The following PPFIA2 variants were observed in gnomAD, a reference collection of about 807,000 sequenced individuals.
The protein encoded by PPFIA2 is PPFI scaffold protein A2.
In PPFIA2, 46 loss-of-function variants were observed where a neutral mutation model predicts 175.5. That is an observed-to-expected ratio of 0.26 (90% CI 0.21 to 0.34). The LOEUF is 0.34. PPFIA2 is among the 10% of genes least tolerant of loss of function. The pLI is 1.00. For missense variants in PPFIA2, 1,179 were observed against 1,506.1 expected (o/e 0.78, Z 3.60); for synonymous variants, 568 against 511.4 (o/e 1.11, Z -1.49).
At chr12:81,385,441 G>A (rs537925852) in intron 8 of PPFIA2, among the ~76,000 whole-genome samples, 34 of 152,168 alleles carry the variant, frequency 2.2e-4, no homozygotes, top group Admixed American at 1.6e-3. Flanking sequence ...GCCAAGAAAC[G>A]GAATCAACCT....
At chr12:81,531,661 G>A (rs978793163) in intron 4 of PPFIA2, among the ~76,000 whole-genome samples, 4 of 151,420 alleles carry the variant, frequency 2.6e-5, no homozygotes, top group African/African-American at 7.3e-5. Context: ...TAGAACGGAA[G>A]ACAGGGTCTA....
chr12:81,289,817 C>T (rs1207715927), intron 24 of PPFIA2, among the ~76,000 whole-genome samples: 2 of 151,764 alleles, frequency 1.3e-5, no homozygotes, highest in African/African-American at 4.8e-5. Flanking sequence ...ATAAAGTATT[C>T]AAAGAATGCA....
intron 7 of PPFIA2, among the ~76,000 whole-genome samples, chr12:81,435,770 A>C (rs1978704): frequency 0.37 from 56,629 of 151,850 alleles, 12,486 homozygotes; most frequent in African/African-American, 0.61. Flanking sequence ...TCTCTTAATT[A>C]TCCGTTCTGA....
intron 3 of PPFIA2, among the ~76,000 whole-genome samples, chr12:81,715,912 C>T (rs2078553639): frequency 6.6e-6 from 1 of 151,128 alleles, no homozygotes; most frequent in African/African-American, 2.4e-5. Flanking sequence ...CCTTAATAAA[C>T]AATTTTTTTA....
At chr12:81,361,917 C>T (rs1043362997) in intron 15 of PPFIA2, among the ~76,000 whole-genome samples, 1 of 151,434 alleles carries the variant, frequency 6.6e-6, no homozygotes, top group South Asian at 2.1e-4. Context: ...TTTCTAACAA[C>T]TTTAAATAAA....
At chr12:81,341,272 T>C in intron 19 of PPFIA2, 64 bp from the exon 20 acceptor site, 1 of 1,509,066 alleles carries the variant, frequency 6.6e-7, no homozygotes, top group African/African-American at 1.4e-5. Context: ...TTGACACAAA[T>C]GGAGAATCAT....
intron 5 of PPFIA2, among the ~76,000 whole-genome samples, chr12:81,455,543 T>TTG (rs2053432394): frequency 6.6e-6 from 1 of 152,220 alleles, no homozygotes; most frequent in African/African-American, 2.4e-5. Flanking sequence ...CCCAAATAGG[T>TTG]ACTTCACATG....
chr12:81,305,163 A>G (rs1466717930), intron 22 of PPFIA2, among the ~76,000 whole-genome samples: 1 of 152,158 alleles, frequency 6.6e-6, no homozygotes, highest in East Asian at 1.9e-4. Context: ...TTTGAGACTT[A>G]ATTTTCCCAT....
intron 28 of PPFIA2, among the ~76,000 whole-genome samples, chr12:81,274,315 T>G (rs1044664665): frequency 6.6e-6 from 1 of 152,182 alleles, no homozygotes; most frequent in African/African-American, 2.4e-5. Flanking sequence ...GAGTATTTGG[T>G]TTTTTTCTAG....
chr12:81,414,860 A>C (rs139976771), intron 7 of PPFIA2, among the ~76,000 whole-genome samples: 1 of 151,374 alleles, frequency 6.6e-6, no homozygotes, highest in Admixed American at 6.6e-5. Context: ...GCTATTTATT[A>C]ATTGGGAAAC....
intron 27 of PPFIA2, among the ~76,000 whole-genome samples, chr12:81,278,301 G>C (rs1380739896): frequency 6.6e-6 from 1 of 152,124 alleles, no homozygotes; most frequent in Admixed American, 6.5e-5. Flanking sequence ...ACAGCACTTT[G>C]GGAGGCTGAG....
At chr12:81,651,628 G>A (rs1300586536) in intron 4 of PPFIA2, among the ~76,000 whole-genome samples, 1 of 152,018 alleles carries the variant, frequency 6.6e-6, no homozygotes, top group Non-Finnish European at 1.5e-5. Context: ...GAGTCTTAAA[G>A]TCTTCATTAT....
intron 4 of PPFIA2, among the ~76,000 whole-genome samples, chr12:81,497,310 C>G (rs960861520): frequency 3.3e-5 from 5 of 152,132 alleles, no homozygotes; most frequent in African/African-American, 7.2e-5. Flanking sequence ...CGAGATGCTT[C>G]TAAATTTCTA....
At chr12:81,317,241 G>A (rs1374316682) in intron 22 of PPFIA2, among the ~76,000 whole-genome samples, 1 of 151,590 alleles carries the variant, frequency 6.6e-6, no homozygotes, top group Admixed American at 6.6e-5. Context: ...ACCATGAAGT[G>A]CAAGATGGGA....
At chr12:81,405,375 A>G (rs1006426772) in intron 8 of PPFIA2, among the ~76,000 whole-genome samples, 1 of 152,152 alleles carries the variant, frequency 6.6e-6, no homozygotes, top group African/African-American at 2.4e-5. Context: ...TATATCACTT[A>G]CAATTCAAAA....
intron 22 of PPFIA2, among the ~76,000 whole-genome samples, chr12:81,306,856 A>G (rs2049359432): frequency 6.6e-6 from 1 of 151,906 alleles, no homozygotes; most frequent in Non-Finnish European, 1.5e-5. Context: ...TTTACTTTAA[A>G]TAATCATAGC....
At chr12:81,466,308 C>G (rs540515247) in intron 4 of PPFIA2, among the ~76,000 whole-genome samples, 2 of 152,262 alleles carry the variant, frequency 1.3e-5, no homozygotes, top group Non-Finnish European at 2.9e-5. Flanking sequence ...GTTAACATAT[C>G]ATGGTGACTT....
In PPFIA2 at chr12:81,642,738, T is replaced by TAC. The variant is rs1208210070; in HGVS notation, c.303+34052_303+34053insGT. 4.8e-4 allele frequency among the ~76,000 whole-genome samples: 23 copies of TAC among 47,626 alleles called. 7 individuals are homozygous for TAC. The highest frequency in any genetic ancestry group is 9.3e-4 in the African/African-American group (14 of 15,112). The allele number at this position is 47,626 out of a possible 152,430, so 31.2% of individuals were successfully genotyped here. A position where few individuals can be genotyped will look rare whatever the true frequency, so the allele number is the denominator to read the frequency against. ...TGTATTATATACATACATGTATATG[T>TAC]ATGTATGTATTATATACATACATGT... On this transcript the variant is annotated intron_variant, in intron 4 of 32. Coordinates refer to ENST00000549396, the MANE Select transcript of PPFIA2 (RefSeq NM_003625.5).
At chr12:81,364,617 G>C (rs1259147434) in intron 14 of PPFIA2, among the ~76,000 whole-genome samples, 2 of 151,796 alleles carry the variant, frequency 1.3e-5, no homozygotes, top group African/African-American at 4.8e-5. Context: ...TTTTCTAGCA[G>C]AGAAGTGGCA....
Sources: gnomAD v4.1 joint callset for allele counts (sites outside exome capture counted in the v4.1 genomes callset) on GRCh38, gnomAD v4.1.1 for gene constraint, MANE v1.5 for transcripts, NCBI Gene and HGNC (gene_info 2026-07-23, HGNC 2026-07-21) for gene names.